MINAR1: variants seen among roughly 807,000 people sequenced by gnomAD.
The protein encoded by MINAR1 is membrane integral NOTCH2 associated receptor 1.
Under a neutral mutation model 65.1 loss-of-function variants are expected in MINAR1, and 40 were observed. The ratio of observed to expected loss-of-function variants is 0.61; its 90% CI spans 0.48 to 0.80. MINAR1 has a LOEUF of 0.80. Ranked by LOEUF, MINAR1 falls within the 30% of genes least tolerant of loss-of-function variation. The pLI is 0.00. For missense variants in MINAR1, 1,128 were observed against 1,148.0 expected (o/e 0.98, Z 0.25); for synonymous variants, 482 against 449.1 (o/e 1.07, Z -0.93).
At chr15:79,443,119 G>A (rs1489117672) in intron 1 of MINAR1, among the ~76,000 whole-genome samples, 1 of 152,140 alleles carries the variant, frequency 6.6e-6, no homozygotes, top group African/African-American at 2.4e-5. Flanking sequence ...GACACCACAG[G>A]CCACACAGGG....
intron 1 of MINAR1, among the ~76,000 whole-genome samples, chr15:79,437,806 T>G (rs1187487793): frequency 6.3e-5 from 1 of 15,966 alleles, no homozygotes. Flanking sequence ...GGGTTGGCAG[T>G]GAGTGTGTGG....
rs1255746789 is a variant in MINAR1, at chr15:79,469,557, ATGTC to A, written c.*1175_*1178del. On this transcript the variant is annotated 3_prime_UTR_variant, in exon 4 of 4. Coordinates refer to ENST00000305428, the MANE Select transcript of MINAR1 (RefSeq NM_015206.3). ...TCTATATGTCTATCTATCTATCTAT[ATGTC>A]TATCTATCTATCTAAATACTTGATT... 2.0e-5 allele frequency: 3 copies of A among 152,394 alleles called. No homozygotes were observed. Among genetic ancestry groups the A allele is most frequent in the South Asian group, 2.1e-4 (1 of 4,824 alleles). The allele number at this position is 152,394 out of a possible 1,614,324, so 9.4% of individuals were successfully genotyped here.
At chr15:79,447,914 C>G (rs1895068430) in intron 1 of MINAR1, among the ~76,000 whole-genome samples, 1 of 152,130 alleles carries the variant, frequency 6.6e-6, no homozygotes, top group South Asian at 2.1e-4. Flanking sequence ...CTTCAAGGGT[C>G]CCAGCTTTAT....
At chr15:79,460,402 A>G (rs1319503436) in intron 2 of MINAR1, among the ~76,000 whole-genome samples, 1 of 152,130 alleles carries the variant, frequency 6.6e-6, no homozygotes, top group South Asian at 2.1e-4. Context: ...CCATTCTGGG[A>G]GGGGTGAGGA....
chr15:79,464,796 A>AT (rs1895778328), intron 3 of MINAR1, among the ~76,000 whole-genome samples: 1 of 152,146 alleles, frequency 6.6e-6, no homozygotes, highest in Non-Finnish European at 1.5e-5. Context: ...CTTGGACTGC[A>AT]TACCCCTTGA....
rs149019012 is a variant in MINAR1 at position 79,463,215 on chromosome 15, G to A, written c.2447G>A (p.Arg816Gln). 34 of 1,614,090 alleles carry A rather than the reference G, an allele frequency of 2.1e-5. No homozygotes were observed. Among genetic ancestry groups the A allele is most frequent in the Non-Finnish European group, 2.6e-5 (31 of 1,180,056 alleles). Residue 816 changes from arginine to glutamine, a missense_variant, in exon 3 of 4, where the codon CGG becomes CAG. Physicochemically the swap from Arg to Gln is conservative, Grantham distance 43. Coordinates refer to ENST00000305428, the MANE Select transcript of MINAR1 (RefSeq NM_015206.3). Reference protein sequence around the residue: ...MKSNPLYTDMRLTELAEVKRG... With the variant: ...MKSNPLYTDMQLTELAEVKRG... ...AGCAACCCCCTGTACACAGACATGC[G>A]GCTGACCGAGTTGGCCGAGGTGAAG...
chr15:79,462,241 T>G (rs557914260), intron 2 of MINAR1, among the ~76,000 whole-genome samples: 1 of 152,272 alleles, frequency 6.6e-6, no homozygotes, highest in South Asian at 2.1e-4. Context: ...AGGAGCCAGA[T>G]GGGCAAACAG....
upstream of MINAR1, among the ~76,000 whole-genome samples, chr15:79,428,033 G>A (rs1283844710): frequency 2.0e-5 from 3 of 152,144 alleles, no homozygotes; most frequent in Non-Finnish European, 4.4e-5. Context: ...GATCCAAAAG[G>A]AGATTACAGC....
intron 2 of MINAR1, among the ~76,000 whole-genome samples, chr15:79,461,087 G>A (rs184039867): frequency 2.2e-4 from 33 of 152,278 alleles, no homozygotes; most frequent in Admixed American, 9.2e-4. Flanking sequence ...CCTTAATCCC[G>A]TTTGTTCAGA....
At chr15:79,454,143 G>T (rs7166922) in intron 1 of MINAR1, among the ~76,000 whole-genome samples, 40,559 of 152,090 alleles carry the variant, frequency 0.27, 6,324 homozygotes, top group East Asian at 0.55. Flanking sequence ...GGATTGGAAG[G>T]CTGGGGCGGG....
At chr15:79,452,181 CTGTG>C (rs1240488095) in intron 1 of MINAR1, among the ~76,000 whole-genome samples, 1 of 147,364 alleles carries the variant, frequency 6.8e-6, no homozygotes, top group East Asian at 2.0e-4. Context: ...GAGTGTAGGT[CTGTG>C]TGAGTGTGTG....
intron 1 of MINAR1, 70 bp from the exon 2 acceptor site, chr15:79,456,027 GC>G: frequency 1.2e-6 from 1 of 860,106 alleles, no homozygotes; most frequent in Non-Finnish European, 1.8e-6. Flanking sequence ...TTTATAAGGA[GC>G]TTGACTTCAA....
chr15:79,446,479 A>C (rs968631500), intron 1 of MINAR1, among the ~76,000 whole-genome samples: 2 of 152,100 alleles, frequency 1.3e-5, no homozygotes, highest in Admixed American at 1.3e-4. Context: ...CATGGTAATA[A>C]AATTATCTGT....
At chr15:79,455,008 CTGAAG>C (rs1412472586) in intron 1 of MINAR1, among the ~76,000 whole-genome samples, 1 of 152,056 alleles carries the variant, frequency 6.6e-6, no homozygotes, top group Non-Finnish European at 1.5e-5. Context: ...GCAATTTACT[CTGAAG>C]TGAATCAAAA....
At chr15:79,429,131 A>G (rs1894383837), upstream of MINAR1, among the ~76,000 whole-genome samples, 1 of 152,216 alleles carries the variant, frequency 6.6e-6, no homozygotes, top group Admixed American at 6.5e-5. Flanking sequence ...TAAGAAGTTC[A>G]AATGAAGGAT....
chr15:79,456,769 C>G lies in MINAR1; in HGVS notation c.622C>G (p.Pro208Ala). Reference protein sequence around the residue: ...LAPYSVTSPQPCEMQRTYFPM... With the variant: ...LAPYSVTSPQACEMQRTYFPM... Reference sequence around the variant, plus strand: ...TCCGTACTCTGTGACCAGCCCTCAGCCCTGTGAGATGCAGAGGACCTACTT... The same window carrying G: ...TCCGTACTCTGTGACCAGCCCTCAGGCCTGTGAGATGCAGAGGACCTACTT... The change falls in exon 2 of 4, where the codon CCC becomes GCC. Residue 208 changes from proline (P) to alanine (A), a missense_variant. Coordinates refer to ENST00000305428, the MANE Select transcript of MINAR1 (RefSeq NM_015206.3). The G allele has an allele frequency of 6.2e-7, 1 of 1,614,194 alleles. No homozygotes were observed. Among genetic ancestry groups the G allele is most frequent in the Non-Finnish European group, 8.5e-7 (1 of 1,180,036 alleles).
At chr15:79,466,745 AG>A (rs1375240426) in intron 3 of MINAR1, among the ~76,000 whole-genome samples, 1 of 152,142 alleles carries the variant, frequency 6.6e-6, no homozygotes, top group African/African-American at 2.4e-5. Flanking sequence ...ACATTCTCAA[AG>A]GGGTAGCTAA....
Position 79,463,312 on chromosome 15 carries a change from G to T in MINAR1, c.2544G>T (p.Leu848=). Residue 848 remains leucine (L), a synonymous_variant, in exon 3 of 4, where the codon CTG becomes CTT. Transcript: ENST00000305428. ...NAGDKGKLTA[L]DLQTQESLNP... Reference sequence around the variant, plus strand: ...GCGACAAGGGCAAGCTGACAGCCCTGGACCTGCAGGTGAGCCTCTCACTGT... The same window carrying T: ...GCGACAAGGGCAAGCTGACAGCCCTTGACCTGCAGGTGAGCCTCTCACTGT... The T allele has an allele frequency of 6.2e-7, 1 of 1,612,442 alleles. No individual in the cohort carries two copies.
chr15:79,464,866 T>TTGATTCTCCCTCCGGTGGAATATTTCA (rs140577426), intron 3 of MINAR1, among the ~76,000 whole-genome samples: 2 of 152,038 alleles, frequency 1.3e-5, no homozygotes, highest in South Asian at 2.1e-4. Context: ...AGACAGGGAT[T>TTGATTCTCCCTCCGGTGGAATATTTCA]TGATTCTCCC....
Sources: gnomAD v4.1 joint callset for allele counts (sites outside exome capture counted in the v4.1 genomes callset) on GRCh38, gnomAD v4.1.1 for gene constraint, MANE v1.5 for transcripts, NCBI Gene and HGNC (gene_info 2026-07-23, HGNC 2026-07-21) for gene names.